HPSE2: variants seen among roughly 807,000 people sequenced by gnomAD.
HPSE2 encodes the protein heparanase 2 (inactive).
A neutral mutation model predicts 60.5 loss-of-function variants in HPSE2; 38 were observed. That is an observed-to-expected ratio of 0.63 (90% CI 0.48 to 0.82). The LOEUF is 0.82. Among genes scored for constraint, HPSE2 ranks in the 40% least tolerant of loss-of-function variants. HPSE2 has a pLI of 0.00. For missense variants in HPSE2, 713 were observed against 740.4 expected, an observed-to-expected ratio of 0.96 and a Z score of 0.43; for synonymous variants, 295 against 293.2, an observed-to-expected ratio of 1.01 and a Z score of -0.06.
At chr10:98,854,530 A>C (rs765118869) in intron 3 of HPSE2, among the ~76,000 whole-genome samples, 4 of 152,218 alleles carry the variant, frequency 2.6e-5, no homozygotes, top group Non-Finnish European at 5.9e-5. Context: ...ATTGAGGATA[A>C]ATTTCTTTAA....
chr10:98,758,314 C>A (rs200575548), intron 3 of HPSE2, among the ~76,000 whole-genome samples: 45 of 147,314 alleles, frequency 3.1e-4, no homozygotes, highest in African/African-American at 3.5e-4. Flanking sequence ...AAAGCAATTA[C>A]AAAAAAAAAA....
intron 3 of HPSE2, among the ~76,000 whole-genome samples, chr10:98,910,855 T>C (rs1953958696): frequency 1.3e-5 from 2 of 152,172 alleles, no homozygotes; most frequent in South Asian, 2.1e-4. Flanking sequence ...AAGGCATGAG[T>C]GCTCACAGAC....
chr10:99,068,453 G>C (rs1232670305), intron 3 of HPSE2, among the ~76,000 whole-genome samples: 1 of 152,186 alleles, frequency 6.6e-6, no homozygotes, highest in Non-Finnish European at 1.5e-5. Context: ...AGGTAAGAGA[G>C]CTTGTACGGG....
intron 3 of HPSE2, among the ~76,000 whole-genome samples, chr10:99,113,497 T>C (rs1402653772): frequency 3.9e-5 from 6 of 152,314 alleles, no homozygotes; most frequent in Admixed American, 1.3e-4. Flanking sequence ...ATATTACATA[T>C]GCACCTACTG....
chr10:98,928,668 A>G (rs1261146324), intron 3 of HPSE2, among the ~76,000 whole-genome samples: 1 of 134,586 alleles, frequency 7.4e-6, no homozygotes, highest in Non-Finnish European at 1.5e-5. Context: ...CATAAAAATG[A>G]TGAGTTCATG....
rs776146599 is a variant in HPSE2, at chr10:98,693,964, G to A, written c.957-17C>T. 74 of 1,564,844 alleles carry A rather than the reference G, an allele frequency of 4.7e-5. No homozygotes were observed. The highest frequency in any genetic ancestry group is 3.3e-4 in the Middle Eastern group (2 of 5,988). On this transcript the variant is annotated splice_polypyrimidine_tract_variant and intron_variant, in intron 5 of 11. Coordinates refer to ENST00000370552, the MANE Select transcript of HPSE2 (RefSeq NM_021828.5). Reference sequence around the variant, plus strand: ...TTCATGAATCTGTAAGGAATAGAAAGAAAAAAGATATTACAACTTAGATTA... The same window carrying A: ...TTCATGAATCTGTAAGGAATAGAAAAAAAAAAGATATTACAACTTAGATTA...
intron 3 of HPSE2, among the ~76,000 whole-genome samples, chr10:98,965,777 T>C (rs190608446): frequency 1.7e-4 from 26 of 152,350 alleles, no homozygotes; most frequent in Admixed American, 6.5e-4. Flanking sequence ...CAACTTTTCA[T>C]GTATTCAGAA....
the HPSE2 span, among the ~76,000 whole-genome samples, chr10:99,268,541 G>A: frequency 9.3e-5 from 14 of 151,280 alleles, no homozygotes; most frequent in Non-Finnish European, 1.3e-4. Flanking sequence ...AGCTACCTGG[G>A]AGGCTGAGGC....
At chr10:98,608,683 G>GCAGGTTCC (rs1251468858) in intron 9 of HPSE2, among the ~76,000 whole-genome samples, 46 of 152,284 alleles carry the variant, frequency 3.0e-4, no homozygotes, top group African/African-American at 1.1e-3. Flanking sequence ...CTCAGCAGCC[G>GCAGGTTCC]CAGGTTCCCA....
chr10:98,889,828 T>C (rs1318797387), intron 3 of HPSE2, among the ~76,000 whole-genome samples: 1 of 152,156 alleles, frequency 6.6e-6, no homozygotes, highest in African/African-American at 2.4e-5. Context: ...TTACAGAGTT[T>C]GGAACGGAGG....
chr10:98,750,575 G>A (rs528019478), intron 3 of HPSE2, among the ~76,000 whole-genome samples: 13 of 152,108 alleles, frequency 8.5e-5, no homozygotes, highest in South Asian at 2.1e-4. Context: ...GCAGCAGAGC[G>A]GTAGAAGTGG....
chr10:98,826,293 AC>A (rs1452848984), intron 3 of HPSE2, among the ~76,000 whole-genome samples: 1 of 152,198 alleles, frequency 6.6e-6, no homozygotes, highest in African/African-American at 2.4e-5. Flanking sequence ...TGTAGGGTCA[AC>A]AAAAAAGACT....
intron 3 of HPSE2, among the ~76,000 whole-genome samples, chr10:99,095,719 T>C (rs1843697002): frequency 6.6e-6 from 1 of 152,256 alleles, no homozygotes; most frequent in Non-Finnish European, 1.5e-5. Context: ...CATGTATCAA[T>C]ATTTCATTTC....
chr10:99,312,396 C>A, the HPSE2 span, among the ~76,000 whole-genome samples: 2 of 152,308 alleles, frequency 1.3e-5, no homozygotes, highest in East Asian at 1.9e-4. Flanking sequence ...CTAAAGCCAG[C>A]ACTCATTTAC....
chr10:98,562,664 G>A (rs1310104266), intron 9 of HPSE2, among the ~76,000 whole-genome samples: 5 of 143,566 alleles, frequency 3.5e-5, no homozygotes, highest in Admixed American at 1.5e-4. Context: ...GCAGTGAGCC[G>A]AGATTGCACC....
intron 3 of HPSE2, among the ~76,000 whole-genome samples, chr10:98,909,788 A>T (rs1482008875): frequency 2.0e-5 from 3 of 152,172 alleles, no homozygotes; most frequent in African/African-American, 7.2e-5. Flanking sequence ...GTTACTTATA[A>T]AACTTTAAAA....
intron 9 of HPSE2, among the ~76,000 whole-genome samples, chr10:98,583,362 C>CT (rs1416622428): frequency 2.0e-5 from 3 of 152,172 alleles, no homozygotes; most frequent in African/African-American, 7.2e-5. Flanking sequence ...GTAGAGTGTA[C>CT]TTTCGTTTCA....
chr10:99,042,370 C>T (rs1957759924), intron 3 of HPSE2, among the ~76,000 whole-genome samples: 1 of 152,006 alleles, frequency 6.6e-6, no homozygotes, highest in African/African-American at 2.4e-5. Flanking sequence ...AGAAGCAGCT[C>T]TGCATTTCTC....
At chr10:98,744,155 T>A in intron 3 of HPSE2, 99 bp from the exon 4 acceptor site, 2 of 1,038,096 alleles carry the variant, frequency 1.9e-6, no homozygotes, top group Non-Finnish European at 2.9e-6. Flanking sequence ...AGCTTCCCAC[T>A]AATAAGGAAT....
Sources: allele counts gnomAD v4.1 joint callset (sites outside exome capture counted in the v4.1 genomes callset), GRCh38; gene constraint gnomAD v4.1.1; transcripts MANE v1.5; gene names NCBI Gene and HGNC (gene_info 2026-07-23, HGNC 2026-07-21).